SH3BGRL2: variants seen among roughly 807,000 people sequenced by gnomAD.
SH3BGRL2 encodes the protein SH3 domain-binding glutamic acid-rich-like protein 2.
A neutral mutation model predicts 14.8 loss-of-function variants in SH3BGRL2; 21 were observed. That is an observed-to-expected ratio of 1.42 (90% CI 1.01 to 2.05). The LOEUF is 2.05. Among genes scored for constraint, SH3BGRL2 ranks in the 30% most tolerant of loss-of-function variants. The pLI is 0.00. For missense variants in SH3BGRL2, 147 were observed against 130.8 expected, an observed-to-expected ratio of 1.12 and a Z score of -0.61; for synonymous variants, 50 against 47.8, an observed-to-expected ratio of 1.05 and a Z score of -0.19.
chr6:79,561,737 G>C, the SH3BGRL2 span: 1 of 152,176 alleles, frequency 6.6e-6, no homozygotes, highest in East Asian at 1.9e-4. Flanking sequence ...GGATAGAACT[G>C]GGCAGTCATG....
At chr6:79,684,420 A>T (rs987375985) in intron 2 of SH3BGRL2, among the ~76,000 whole-genome samples, 1 of 152,030 alleles carries the variant, frequency 6.6e-6, no homozygotes, top group Non-Finnish European at 1.5e-5. Flanking sequence ...GTTGGTTTCC[A>T]AGTACCTTGT....
At chr6:79,618,462 T>C in the SH3BGRL2 span, among the ~76,000 whole-genome samples, 2 of 152,142 alleles carry the variant, frequency 1.3e-5, no homozygotes, top group African/African-American at 2.4e-5. Flanking sequence ...AATTCCTGCA[T>C]TTTGGGAGGC....
the SH3BGRL2 span, among the ~76,000 whole-genome samples, chr6:79,612,925 A>G: frequency 6.6e-6 from 1 of 152,202 alleles, no homozygotes; most frequent in Non-Finnish European, 1.5e-5. Flanking sequence ...TCTCATTCAC[A>G]TGCATCTGTA....
At chr6:79,668,419 C>G (rs748126775) in intron 1 of SH3BGRL2, among the ~76,000 whole-genome samples, 7 of 152,072 alleles carry the variant, frequency 4.6e-5, no homozygotes, top group Non-Finnish European at 8.8e-5. Flanking sequence ...CAGGAGACCC[C>G]GCAGCTTACT....
At chr6:79,692,141 G>A (rs1404016700) in intron 2 of SH3BGRL2, among the ~76,000 whole-genome samples, 4 of 152,308 alleles carry the variant, frequency 2.6e-5, no homozygotes, top group East Asian at 3.9e-4. Context: ...TTTTTTGGCT[G>A]CATAAATGTC....
chr6:79,689,194 T>A (rs1033373025), intron 2 of SH3BGRL2, among the ~76,000 whole-genome samples: 1 of 150,770 alleles, frequency 6.6e-6, no homozygotes, highest in African/African-American at 2.4e-5. Context: ...TACCAAATTT[T>A]ATATTTGTCA....
At chr6:79,699,441 G>A in intron 3 of SH3BGRL2, 57 bp from the exon 4 acceptor site, 1 of 1,338,336 alleles carries the variant, frequency 7.5e-7, no homozygotes, top group Non-Finnish European at 9.6e-7. Flanking sequence ...GAATTTTCTT[G>A]TCGATGTAAT....
intron 2 of SH3BGRL2, among the ~76,000 whole-genome samples, chr6:79,691,942 C>T (rs1582740250): frequency 6.6e-6 from 1 of 152,018 alleles, no homozygotes; most frequent in East Asian, 1.9e-4. Flanking sequence ...CTGACTTCCA[C>T]AATGGTTGAA....
chr6:79,563,266 C>T, the SH3BGRL2 span, among the ~76,000 whole-genome samples: 2 of 151,056 alleles, frequency 1.3e-5, no homozygotes, highest in African/African-American at 2.4e-5. Context: ...CATGGGCCAC[C>T]GTGCCCGGCC....
intron 2 of SH3BGRL2, among the ~76,000 whole-genome samples, chr6:79,692,722 GT>G (rs1407984610): frequency 2.6e-5 from 4 of 152,170 alleles, no homozygotes; most frequent in Non-Finnish European, 5.9e-5. Flanking sequence ...CTATATCTCT[GT>G]TTTGGTACCA....
the SH3BGRL2 span, among the ~76,000 whole-genome samples, chr6:79,606,778 C>A: frequency 3.3e-5 from 5 of 151,970 alleles, no homozygotes; most frequent in Non-Finnish European, 5.9e-5. Context: ...TAATAATATA[C>A]ATTGTATGAG....
chr6:79,548,288 AT>A, the SH3BGRL2 span, among the ~76,000 whole-genome samples: 1 of 152,220 alleles, frequency 6.6e-6, no homozygotes, highest in East Asian at 1.9e-4. Flanking sequence ...TATATGCCAA[AT>A]TTTTAAATCT....
the SH3BGRL2 span, among the ~76,000 whole-genome samples, chr6:79,551,692 G>T: frequency 6.6e-6 from 1 of 152,104 alleles, no homozygotes; most frequent in South Asian, 2.1e-4. Flanking sequence ...TCATGAAGGT[G>T]GTCCTAAAGA....
At chr6:79,627,111 CT>C (rs1330875604), upstream of SH3BGRL2, among the ~76,000 whole-genome samples, 3 of 152,158 alleles carry the variant, frequency 2.0e-5, no homozygotes, top group Non-Finnish European at 2.9e-5. Context: ...CCTCTTTTTA[CT>C]CATTTCAGTC....
At chr6:79,561,600 A>G in the SH3BGRL2 span, 1 of 152,212 alleles carries the variant, frequency 6.6e-6, no homozygotes, top group Non-Finnish European at 1.5e-5. Context: ...AGATTTTACT[A>G]CACTGGACTT....
chr6:79,666,352 C>T (rs1284567610), intron 1 of SH3BGRL2, among the ~76,000 whole-genome samples: 2 of 152,292 alleles, frequency 1.3e-5, no homozygotes, highest in Non-Finnish European at 2.9e-5. Context: ...AAAAGCCAAG[C>T]TCTGTCCAGA....
chr6:79,540,675 A>C, the SH3BGRL2 span, among the ~76,000 whole-genome samples: 2 of 152,270 alleles, frequency 1.3e-5, no homozygotes, highest in East Asian at 3.9e-4. Context: ...ATGTTTGTAA[A>C]AATGTGTATA....
At chr6:79,567,711 A>C in the SH3BGRL2 span, among the ~76,000 whole-genome samples, 1 of 152,260 alleles carries the variant, frequency 6.6e-6, no homozygotes, top group Non-Finnish European at 1.5e-5. Flanking sequence ...GATTTAAAAA[A>C]GAGGCAGAAT....
rs35728679 is a variant in SH3BGRL2 at position 79,699,463 on chromosome 6, CTTTTTTTTTTTTTTTTTT to C, written c.313-22_313-5del. The C allele has an allele frequency of 5.7e-6, 5 of 879,618 alleles. No homozygotes were observed. The highest frequency in any genetic ancestry group is 3.0e-4 in the Middle Eastern group (1 of 3,370). 54.5% of individuals were successfully genotyped at this position (879,618 alleles called of 1,614,324 possible). ...CTTGTCGATGTAATGCAATAACTGA[CTTTTTTTTTTTTTTTTTT>C]TTTTTTTTTTTTATAGGCAGAACCT... is the stretch of plus-strand genomic sequence containing the variant. On this transcript the variant is annotated splice_polypyrimidine_tract_variant and intron_variant, in intron 3 of 3. Coordinates refer to ENST00000369838, the MANE Select transcript of SH3BGRL2 (RefSeq NM_031469.4).
Sources: allele counts gnomAD v4.1 joint callset (sites outside exome capture counted in the v4.1 genomes callset), GRCh38; gene constraint gnomAD v4.1.1; transcripts MANE v1.5; gene names NCBI Gene and HGNC (gene_info 2026-07-23, HGNC 2026-07-21).